Variants in C1QTNF3 observed in about 807,000 individuals in gnomAD.
C1QTNF3 encodes the protein C1q and TNF related 3.
In C1QTNF3, 26 loss-of-function variants were observed where a neutral mutation model predicts 32.6. That is an observed-to-expected ratio of 0.80 (90% confidence interval 0.58 to 1.11). The LOEUF is 1.11. C1QTNF3 is among the 50% of genes least tolerant of loss of function. C1QTNF3 has a pLI of 0.00. For missense variants in C1QTNF3, 362 were observed against 398.2 expected (o/e 0.91, Z 0.77); for synonymous variants, 155 against 146.0 (o/e 1.06, Z -0.44).
chr5:34,045,885 A>C (rs572832003), upstream of C1QTNF3, among the ~76,000 whole-genome samples: 1 of 152,288 alleles, frequency 6.6e-6, no homozygotes, highest in South Asian at 2.1e-4. Context: ...ATGTACCCCC[A>C]AAAGAAACTT....
the C1QTNF3 span, among the ~76,000 whole-genome samples, chr5:34,188,422 A>G: frequency 3.0e-4 from 45 of 152,012 alleles, no homozygotes; most frequent in African/African-American, 1.1e-3. Flanking sequence ...GAAAAGCTGC[A>G]GACACTCAAT....
At chr5:34,168,611 A>C in the C1QTNF3 span, 1 of 151,744 alleles carries the variant, frequency 6.6e-6, no homozygotes, top group Non-Finnish European at 1.5e-5. Flanking sequence ...CAGGAACAGC[A>C]CCTCACTATG....
At chr5:34,101,726 T>C in the C1QTNF3 span, among the ~76,000 whole-genome samples, 27 of 152,326 alleles carry the variant, frequency 1.8e-4, no homozygotes, top group African/African-American at 6.3e-4. Context: ...ATATGGTCCC[T>C]GTAAAATTCC....
the C1QTNF3 span, among the ~76,000 whole-genome samples, chr5:34,059,793 T>G: frequency 7.2e-5 from 11 of 152,244 alleles, no homozygotes; most frequent in Non-Finnish European, 1.6e-4. Flanking sequence ...AACATATAAA[T>G]TGGGGTGGAG....
chr5:34,222,103 GA>G, the C1QTNF3 span, among the ~76,000 whole-genome samples: 2 of 151,786 alleles, frequency 1.3e-5, no homozygotes, highest in African/African-American at 4.8e-5. Flanking sequence ...TGGCAATGTT[GA>G]TTTTTTTGTG....
At chr5:34,103,441 T>A in the C1QTNF3 span, among the ~76,000 whole-genome samples, 1 of 151,598 alleles carries the variant, frequency 6.6e-6, no homozygotes, top group African/African-American at 2.4e-5. Flanking sequence ...TTACAAACAT[T>A]AATGTTTCTT....
chr5:34,209,110 G>A, the C1QTNF3 span, among the ~76,000 whole-genome samples: 2 of 152,172 alleles, frequency 1.3e-5, no homozygotes. Context: ...CAATAGTATT[G>A]AAGGTGAGAC....
At position 34,018,133 on chromosome 5, in the gene C1QTNF3, G is replaced by T. The variant is rs929272991; in HGVS notation, c.*2450C>A. Among the ~76,000 whole-genome samples, 6 of 151,692 alleles carry T rather than the reference G, an allele frequency of 4.0e-5. No homozygotes were observed. The highest frequency in any genetic ancestry group is 1.4e-4 in the African/African-American group (6 of 41,388). On this transcript the variant is annotated 3_prime_UTR_variant, in exon 6 of 6. Coordinates refer to ENST00000382065, the MANE Select transcript of C1QTNF3 (RefSeq NM_181435.6). Reference sequence around the variant, plus strand: ...AAAGCCATAAATACATGCAGGAAAAGACTGAAATAAACACTTTAAAATAGT... The same window carrying T: ...AAAGCCATAAATACATGCAGGAAAATACTGAAATAAACACTTTAAAATAGT...
At chr5:34,217,451 C>A in the C1QTNF3 span, among the ~76,000 whole-genome samples, 1 of 152,228 alleles carries the variant, frequency 6.6e-6, no homozygotes, top group East Asian at 1.9e-4. Flanking sequence ...TCCTCTTTTA[C>A]TAACTTCAAT....
chr5:34,222,812 T>A, the C1QTNF3 span, among the ~76,000 whole-genome samples: 1 of 151,994 alleles, frequency 6.6e-6, no homozygotes, highest in African/African-American at 2.4e-5. Flanking sequence ...GAATGAATCC[T>A]TTTTGCTGCA....
chr5:34,215,020 T>C, the C1QTNF3 span, among the ~76,000 whole-genome samples: 1 of 152,304 alleles, frequency 6.6e-6, no homozygotes, highest in South Asian at 2.1e-4. Context: ...GCTACCCTCA[T>C]TTTATCTCTG....
chr5:34,063,643 C>CA, the C1QTNF3 span, among the ~76,000 whole-genome samples: 3 of 152,140 alleles, frequency 2.0e-5, no homozygotes, highest in African/African-American at 7.2e-5. Flanking sequence ...ACAGGCCACA[C>CA]ATAACTGCCC....
At chr5:34,071,962 C>T in the C1QTNF3 span, among the ~76,000 whole-genome samples, 2 of 151,616 alleles carry the variant, frequency 1.3e-5, no homozygotes, top group African/African-American at 2.4e-5. Context: ...TCTCTACTTT[C>T]CATTGCTGGG....
chr5:34,142,447 A>C, the C1QTNF3 span, among the ~76,000 whole-genome samples: 2 of 142,908 alleles, frequency 1.4e-5, no homozygotes, highest in African/African-American at 2.6e-5. Context: ...AAAAAAAAAC[A>C]GAAAAGAAAA....
At chr5:34,084,169 T>C in the C1QTNF3 span, among the ~76,000 whole-genome samples, 1 of 151,816 alleles carries the variant, frequency 6.6e-6, no homozygotes, top group African/African-American at 2.4e-5. Flanking sequence ...GCACCAATAG[T>C]GGCAGTTAGG....
the C1QTNF3 span, among the ~76,000 whole-genome samples, chr5:34,056,208 A>G: frequency 1.3e-5 from 2 of 151,944 alleles, no homozygotes; most frequent in African/African-American, 2.4e-5. Context: ...TGGTTTCACG[A>G]TAGAAAACAT....
the C1QTNF3 span, among the ~76,000 whole-genome samples, chr5:34,118,557 C>T: frequency 6.6e-6 from 1 of 152,000 alleles, no homozygotes; most frequent in African/African-American, 2.4e-5. Context: ...AAGATCTTTG[C>T]TGACAGATTT....
chr5:34,211,674 G>A, the C1QTNF3 span, among the ~76,000 whole-genome samples: 1 of 151,424 alleles, frequency 6.6e-6, no homozygotes, highest in Non-Finnish European at 1.5e-5. Flanking sequence ...AGTTTACTGA[G>A]AATGATGATT....
the C1QTNF3 span, among the ~76,000 whole-genome samples, chr5:34,065,936 C>A: frequency 1.3e-5 from 2 of 152,098 alleles, no homozygotes; most frequent in Non-Finnish European, 2.9e-5. Context: ...ACCTAGGTGC[C>A]CATCAGTGAT....
Sources: allele counts gnomAD v4.1 joint callset (sites outside exome capture counted in the v4.1 genomes callset), GRCh38; gene constraint gnomAD v4.1.1; transcripts MANE v1.5; gene names NCBI Gene and HGNC (gene_info 2026-07-23, HGNC 2026-07-21).